Variants in PCDHA13 observed in about 807,000 individuals in gnomAD.
PCDHA13 encodes the protein protocadherin alpha 13.
In PCDHA13, 54 loss-of-function variants were observed where a neutral mutation model predicts 64.8. That is an observed-to-expected ratio of 0.83 (90% CI 0.67 to 1.04). The LOEUF is 1.04. Ranked by LOEUF, PCDHA13 falls within the 50% of genes least tolerant of loss-of-function variation. PCDHA13 has a pLI of 0.00. For missense variants in PCDHA13, 1,248 were observed against 1,254.3 expected, an observed-to-expected ratio of 0.99 and a Z score of 0.08; for synonymous variants, 587 against 564.4, an observed-to-expected ratio of 1.04 and a Z score of -0.57.
intron 1 of PCDHA13, among the ~76,000 whole-genome samples, chr5:140,893,379 ACAG>A (rs2063957000): frequency 6.6e-6 from 1 of 152,140 alleles, no homozygotes; most frequent in South Asian, 2.1e-4. Context: ...CATTTATGGG[ACAG>A]TGGCTCATGC....
chr5:140,920,588 G>A lies in PCDHA13; in HGVS notation c.2394+35926G>A, dbSNP rs561082502. 2.0e-5 allele frequency among the ~76,000 whole-genome samples: 3 copies of A among 152,284 alleles called. No individual in the cohort carries two copies. The South Asian group carries it at 6.2e-4, about 32-fold the overall frequency. On this transcript the variant is annotated intron_variant, in intron 1 of 3. Transcript: ENST00000289272. ...AGGCCAGGAGCAGTGGCTCACGCCT[G>A]TAATCCCAGCACTTTGGGAGGCCGA...
chr5:140,947,938 A>G (rs2094195228), intron 1 of PCDHA13, among the ~76,000 whole-genome samples: 1 of 151,536 alleles, frequency 6.6e-6, no homozygotes, highest in African/African-American at 2.4e-5. Context: ...CTTATGAGAA[A>G]AGTGTTCCAT....
At chr5:140,912,806 T>TA (rs1378576653) in intron 1 of PCDHA13, among the ~76,000 whole-genome samples, 2 of 152,232 alleles carry the variant, frequency 1.3e-5, no homozygotes, top group African/African-American at 4.8e-5. Context: ...TGAGGGTTTT[T>TA]ATCATAAAGG....
At chr5:140,929,417 T>C in intron 1 of PCDHA13, 2 of 1,503,568 alleles carry the variant, frequency 1.3e-6, no homozygotes, top group Non-Finnish European at 1.8e-6. Context: ...TTTCACAACA[T>C]TTCATCAATT....
At chr5:140,992,017 C>CTGTGTGTGTGTGTG (rs10602499) in intron 3 of PCDHA13, among the ~76,000 whole-genome samples, 1 of 145,628 alleles carries the variant, frequency 6.9e-6, no homozygotes, top group African/African-American at 2.5e-5. Flanking sequence ...AGAGGTGGCT[C>CTGTGTGTGTGTGTG]TGTGTGTGTG....
intron 1 of PCDHA13, among the ~76,000 whole-genome samples, chr5:140,942,396 A>G (rs1172739397): frequency 6.6e-6 from 1 of 151,922 alleles, no homozygotes; most frequent in Admixed American, 6.6e-5. Flanking sequence ...TGGGCGACAG[A>G]TGAGACTCTG....
intron 1 of PCDHA13, among the ~76,000 whole-genome samples, chr5:140,941,270 T>C (rs1437273239): frequency 1.2e-4 from 17 of 136,774 alleles, no homozygotes; most frequent in Admixed American, 2.3e-4. Flanking sequence ...TCTTTCTTTC[T>C]TTCCTTCCTT....
chr5:140,906,377 A>G (rs1322510294), intron 1 of PCDHA13, among the ~76,000 whole-genome samples: 3 of 152,264 alleles, frequency 2.0e-5, no homozygotes, highest in Admixed American at 6.5e-5. Flanking sequence ...ATGCTATTAC[A>G]TAAAGTTAAC....
intron 1 of PCDHA13, chr5:140,966,387 C>G: frequency 2.5e-6 from 1 of 405,008 alleles, no homozygotes. Context: ...GGTTCGCTGT[C>G]CGCCACTTCG....
At chr5:140,927,097 G>A in intron 1 of PCDHA13, 1 of 1,613,358 alleles carries the variant, frequency 6.2e-7, no homozygotes, top group Non-Finnish European at 8.5e-7. Context: ...CTTCGGGGTG[G>A]ATCTACCCAG....
At chr5:140,960,922 G>C (rs562658138) in intron 1 of PCDHA13, among the ~76,000 whole-genome samples, 1 of 152,272 alleles carries the variant, frequency 6.6e-6, no homozygotes, top group East Asian at 1.9e-4. Flanking sequence ...ATAGAAAATT[G>C]GTACTAAGTT....
intron 1 of PCDHA13, among the ~76,000 whole-genome samples, chr5:140,890,099 A>G (rs1301934861): frequency 2.0e-5 from 3 of 152,086 alleles, no homozygotes; most frequent in African/African-American, 7.2e-5. Context: ...TTTATTCCCA[A>G]CTCTGGATTC....
intron 1 of PCDHA13, chr5:140,967,330 C>G: frequency 6.2e-7 from 1 of 1,608,074 alleles, no homozygotes; most frequent in South Asian, 1.1e-5. Context: ...ACGAGCTCAG[C>G]CCCAGCGAGC....
At chr5:140,980,948 G>C (rs72802987) in intron 2 of PCDHA13, among the ~76,000 whole-genome samples, 1 of 152,206 alleles carries the variant, frequency 6.6e-6, no homozygotes, top group Non-Finnish European at 1.5e-5. Flanking sequence ...CTGGCTCCAG[G>C]ATAGTTACAC....
At chr5:140,977,104 A>C (rs2096746104) in intron 1 of PCDHA13, among the ~76,000 whole-genome samples, 1 of 152,242 alleles carries the variant, frequency 6.6e-6, no homozygotes, top group Admixed American at 6.5e-5. Flanking sequence ...TGGGGAAGTG[A>C]GATTGTATAA....
intron 1 of PCDHA13, among the ~76,000 whole-genome samples, chr5:140,937,638 C>T (rs1563161991): frequency 6.7e-6 from 1 of 150,048 alleles, no homozygotes; most frequent in Non-Finnish European, 1.5e-5. Flanking sequence ...AAAGGCAGGG[C>T]ATGGTGGCTC....
rs149972776 is a variant in PCDHA13 at position 140,883,738 on chromosome 5, C to T, written c.1470C>T (p.Val490=). 41 of 1,613,276 alleles carry T rather than the reference C, an allele frequency of 2.5e-5. No individual in the cohort carries two copies. The highest frequency in any genetic ancestry group is 3.3e-5 in the Non-Finnish European group (39 of 1,179,826). ...CGGACGCACAGGAGAACGCGCTGGT[C>T]TCCTACTCGCTGGTGGAGCGGCGGG... ...QDADAQENAL[V]SYSLVERRVG... is the part of the protein sequence containing the mutation. The change falls in exon 1 of 4, where the codon GTC becomes GTT. Residue 490 remains valine (V), a synonymous_variant. Coordinates refer to ENST00000289272, the MANE Select transcript of PCDHA13 (RefSeq NM_018904.3).
At chr5:140,886,860 C>T (rs1363871264) in intron 1 of PCDHA13, among the ~76,000 whole-genome samples, 1 of 151,304 alleles carries the variant, frequency 6.6e-6, no homozygotes, top group East Asian at 1.9e-4. Flanking sequence ...AAGGTCTTCC[C>T]AACTCCTATA....
At chr5:140,937,824 A>C (rs1229119616) in intron 1 of PCDHA13, among the ~76,000 whole-genome samples, 1 of 151,696 alleles carries the variant, frequency 6.6e-6, no homozygotes, top group African/African-American at 2.4e-5. Flanking sequence ...AGGCAGGAGA[A>C]TGGCATGAAC....
Sources: allele counts gnomAD v4.1 joint callset (sites outside exome capture counted in the v4.1 genomes callset), GRCh38; gene constraint gnomAD v4.1.1; transcripts MANE v1.5; gene names NCBI Gene and HGNC (gene_info 2026-07-23, HGNC 2026-07-21).